ACTL6B: variants seen among roughly 807,000 people sequenced by gnomAD.
ACTL6B encodes actin-like protein 6B.
A neutral mutation model predicts 63.3 loss-of-function variants in ACTL6B; 48 were observed. That is an observed-to-expected ratio of 0.76 (90% CI 0.60 to 0.96). ACTL6B has a LOEUF of 0.96. Ranked by LOEUF, ACTL6B falls within the 50% of genes least tolerant of loss-of-function variation. The pLI, the probability that ACTL6B is intolerant of heterozygous loss-of-function variation, is 0.00. For missense variants in ACTL6B, 350 were observed against 572.2 expected (o/e 0.61, Z 3.96); for synonymous variants, 230 against 223.8 (o/e 1.03, Z -0.25).
chr7:100,648,551 C>T lies in ACTL6B; in HGVS notation c.669+5G>A. The T allele has an allele frequency of 1.3e-6, 2 of 1,592,578 alleles. No homozygotes were observed. Among genetic ancestry groups the T allele is most frequent in the Non-Finnish European group, 1.7e-6 (2 of 1,168,582 alleles). On this transcript the variant is annotated splice_donor_5th_base_variant and intron_variant, in intron 7 of 13. Transcript: ENST00000160382. This position sits in a 1 kb window ranked among gnomAD's most constrained non-coding sequence, Gnocchi z 4.4. ...GTGGCAGCTCCATGTCCCCAGAGGC[C>T]CCACCTTGGCTGCGATCATGTAAGG...
chr7:100,652,999 CAAAAAAAAAAAAAAAAAAAAAAAA>C (rs58707737), intron 4 of ACTL6B, among the ~76,000 whole-genome samples: 70 of 25,936 alleles, frequency 2.7e-3, no homozygotes, highest in East Asian at 0.013. Context: ...AACTCCGTCT[CAAAAAAAAAAAAAAAAAAAAAAAA>C]AAAAAAAAAA....
intron 4 of ACTL6B, among the ~76,000 whole-genome samples, chr7:100,650,435 ACACT>A (rs539854396): frequency 7.2e-4 from 110 of 152,060 alleles, no homozygotes; most frequent in Non-Finnish European, 8.2e-4. Flanking sequence ...ACATGCAAAC[ACACT>A]CACAAACACA....
rs1475580642 is a variant in ACTL6B at position 100,655,595 on chromosome 7, G to A, written c.103-9C>T. The A allele has an allele frequency of 6.2e-7, 1 of 1,609,552 alleles. No homozygotes were observed. Among genetic ancestry groups the A allele is most frequent in the Non-Finnish European group, 8.5e-7 (1 of 1,177,990 alleles). On this transcript the variant is annotated splice_polypyrimidine_tract_variant and intron_variant, in intron 2 of 13. Transcript: ENST00000160382. This position sits in a 1 kb window ranked among gnomAD's most constrained non-coding sequence, Gnocchi z 4.4. ...GTGGTGGGGAAGTCAGCCTGGTGGG[G>A]AAGGGTTGGGGGAGTATTGGCAGGG...
In ACTL6B at chr7:100,647,683, A is replaced by G. The variant is rs533519001; in HGVS notation, c.670-150T>C. On this transcript the variant is annotated intron_variant, in intron 7 of 13. Transcript: ENST00000160382. This position sits in a 1 kb window ranked among gnomAD's most constrained non-coding sequence, Gnocchi z 4.4. ...GGGGTTTCTCACCCTTCCCTGATGG[A>G]GAGGAGAGAGAATGGGGCATGCCTC... is the stretch of plus-strand genomic sequence containing the variant. The G allele has an allele frequency of 6.6e-6, 4 of 602,714 alleles. No homozygotes were observed. Among genetic ancestry groups the G allele is most frequent in the African/African-American group, 3.7e-5 (2 of 54,022 alleles). 37.3% of individuals were successfully genotyped at this position (602,714 alleles called of 1,614,324 possible). A position where few individuals can be genotyped will look rare whatever the true frequency, so the allele number is the denominator to read the frequency against.
chr7:100,653,531 T>C lies in ACTL6B; in HGVS notation c.369+1488A>G, dbSNP rs1457068632. 2.0e-5 allele frequency among the ~76,000 whole-genome samples: 3 copies of C among 152,136 alleles called. No homozygotes were observed. In the East Asian group the frequency reaches 5.8e-4, roughly 29 times the overall value. On this transcript the variant is annotated intron_variant, in intron 4 of 13. Coordinates refer to ENST00000160382, the MANE Select transcript of ACTL6B (RefSeq NM_016188.5). Reference sequence around the variant, plus strand: ...TGGGCATGGTGGCTTATGCCTGTAGTTCCAGCTACTCTGGAGACTGAAATG... The same window carrying C: ...TGGGCATGGTGGCTTATGCCTGTAGCTCCAGCTACTCTGGAGACTGAAATG...
rs534389361 is a variant in ACTL6B, at chr7:100,645,034, C to T, written c.1200+1215G>A. On this transcript the variant is annotated intron_variant, in intron 13 of 13. Coordinates refer to ENST00000160382, the MANE Select transcript of ACTL6B (RefSeq NM_016188.5). The stretch of plus-strand genomic sequence containing the variant: ...TTGCTCCACTGCACTCCAGCCTGGG[C>T]GACAGTGAGACTGTCTCGAAAACAA... Among the ~76,000 whole-genome samples, 127 of 152,074 alleles carry T rather than the reference C, an allele frequency of 8.4e-4. 1 individual carries two copies. The highest frequency in any genetic ancestry group is 2.9e-3 in the African/African-American group (121 of 41,426).
In ACTL6B at chr7:100,646,513, C is replaced by T. The variant is rs373606151; in HGVS notation, c.1113+38G>A. On this transcript the variant is annotated intron_variant, in intron 12 of 13. Coordinates refer to ENST00000160382, the MANE Select transcript of ACTL6B (RefSeq NM_016188.5). The surrounding 1 kb of genome is among the most constrained non-coding windows in gnomAD (Gnocchi z 6.1). ...TCAGTCCTGGACAGCTGAGCCAGGA[C>T]GGGTGTCCAGGGCTCTGGGTCAGGG... 2.5e-4 allele frequency: 401 copies of T among 1,603,634 alleles called. No homozygotes were observed. The highest frequency in any genetic ancestry group is 3.1e-4 in the Non-Finnish European group (363 of 1,170,924).
chr7:100,651,622 C>T (rs1263836237), intron 4 of ACTL6B, among the ~76,000 whole-genome samples: 2 of 151,464 alleles, frequency 1.3e-5, no homozygotes, highest in Non-Finnish European at 2.9e-5. Context: ...CTCACTCTGT[C>T]GCCCAGGCTG....
Position 100,646,380 on chromosome 7 carries a change from G to A in ACTL6B, c.1114-45C>T, listed in dbSNP as rs568989814. 1.9e-6 allele frequency: 3 copies of A among 1,601,744 alleles called. No homozygotes were observed. The highest frequency in any genetic ancestry group is 2.6e-6 in the Non-Finnish European group (3 of 1,172,474). Reference sequence around the variant, plus strand: ...GGGGGAAGCAGACACCTAGGTTCTGGGAAGGGACAGGGCTTGGGGGAGAGG... The same window carrying A: ...GGGGGAAGCAGACACCTAGGTTCTGAGAAGGGACAGGGCTTGGGGGAGAGG... On this transcript the variant is annotated intron_variant, in intron 12 of 13. Transcript: ENST00000160382. The surrounding 1 kb of genome is among the most constrained non-coding windows in gnomAD (Gnocchi z 6.1).
At position 100,655,936 on chromosome 7, in the gene ACTL6B, AGCTCC is replaced by A; in HGVS notation, c.26-62_26-58del. On this transcript the variant is annotated intron_variant, in intron 1 of 13. Coordinates refer to ENST00000160382, the MANE Select transcript of ACTL6B (RefSeq NM_016188.5). This position sits in a 1 kb window ranked among gnomAD's most constrained non-coding sequence, Gnocchi z 4.4. ...TCCCCCGAACTCTCTCCCGCTAGGT[AGCTCC>A]GAGAGAAAGTCAGGGCAGAGCCACA... 1 of 1,509,232 alleles carries A rather than the reference AGCTCC, an allele frequency of 6.6e-7. No individual in the cohort carries two copies. Among genetic ancestry groups the A allele is most frequent in the Non-Finnish European group, 9.0e-7 (1 of 1,117,036 alleles). The allele number at this position is 1,509,232 out of a possible 1,614,324, so 93.5% of individuals were successfully genotyped here.
chr7:100,651,227 A>G (rs1803933478), intron 4 of ACTL6B, among the ~76,000 whole-genome samples: 1 of 152,216 alleles, frequency 6.6e-6, no homozygotes, highest in Non-Finnish European at 1.5e-5. Context: ...AAGTCTCAAA[A>G]AATATACTTC....
chr7:100,647,637 T>C lies in ACTL6B; in HGVS notation c.670-104A>G. 3.6e-6 allele frequency: 3 copies of C among 827,832 alleles called. No individual in the cohort carries two copies. The highest frequency in any genetic ancestry group is 3.8e-6 in the Non-Finnish European group (2 of 519,554). 51.3% of individuals were successfully genotyped at this position (827,832 alleles called of 1,614,324 possible). A position where few individuals can be genotyped will look rare whatever the true frequency, so the allele number is the denominator to read the frequency against. On this transcript the variant is annotated intron_variant, in intron 7 of 13. Coordinates refer to ENST00000160382, the MANE Select transcript of ACTL6B (RefSeq NM_016188.5). The surrounding 1 kb of genome is among the most constrained non-coding windows in gnomAD (Gnocchi z 4.4). ...TCTGCAGCTACCTGGCGCTGCAGGC[T>C]CTGCTGTGCTGCCTGCAAGAGGGGT...
chr7:100,645,043 G>A (rs576639943), intron 13 of ACTL6B, among the ~76,000 whole-genome samples: 8 of 152,046 alleles, frequency 5.3e-5, no homozygotes, highest in African/African-American at 1.9e-4. Context: ...GCGACAGTGA[G>A]ACTGTCTCGA....
chr7:100,646,922 C>T lies in ACTL6B; in HGVS notation c.936+49G>A, dbSNP rs1251692152. The T allele has an allele frequency of 6.3e-7, 1 of 1,598,318 alleles. No homozygotes were observed. The highest frequency in any genetic ancestry group is 8.6e-7 in the Non-Finnish European group (1 of 1,167,036). On this transcript the variant is annotated intron_variant, in intron 10 of 13. Coordinates refer to ENST00000160382, the MANE Select transcript of ACTL6B (RefSeq NM_016188.5). The surrounding 1 kb of genome is among the most constrained non-coding windows in gnomAD (Gnocchi z 6.1). ...CCCAGCCTCCCCCACGCCCCAGGAT[C>T]CAGGGACTGCAGCCAGCACCCACCC...
chr7:100,646,500 A>C lies in ACTL6B; in HGVS notation c.1113+51T>G, dbSNP rs1337871097. ...AGGATGAAGGGACTCAGTCCTGGAC[A>C]GCTGAGCCAGGACGGGTGTCCAGGG... On this transcript the variant is annotated intron_variant, in intron 12 of 13. Coordinates refer to ENST00000160382, the MANE Select transcript of ACTL6B (RefSeq NM_016188.5). The surrounding 1 kb of genome is among the most constrained non-coding windows in gnomAD (Gnocchi z 6.1). 2 of 1,587,474 alleles carry C rather than the reference A, an allele frequency of 1.3e-6. No individual in the cohort carries two copies. Among genetic ancestry groups the C allele is most frequent in the Admixed American group, 3.3e-5 (2 of 59,964 alleles).
rs1405170199 is a variant in ACTL6B at position 100,655,656 on chromosome 7, A to C, written c.103-70T>G. 3.2e-6 allele frequency: 5 copies of C among 1,553,684 alleles called. No homozygotes were observed. Among genetic ancestry groups the C allele is most frequent in the East Asian group, 4.6e-5 (2 of 43,792 alleles). On this transcript the variant is annotated intron_variant, in intron 2 of 13. Coordinates refer to ENST00000160382, the MANE Select transcript of ACTL6B (RefSeq NM_016188.5). This position sits in a 1 kb window ranked among gnomAD's most constrained non-coding sequence, Gnocchi z 4.4. ...CCCTCTTGCCCCTGTCCAGCCCCAC[A>C]GCAGGGTCCTCAGACCGCCCCTGGG...
intron 4 of ACTL6B, among the ~76,000 whole-genome samples, chr7:100,654,252 G>C (rs1048321502): frequency 6.6e-6 from 1 of 151,660 alleles, no homozygotes; most frequent in Admixed American, 6.6e-5. Context: ...GATTACAGGC[G>C]TGAGCCACCA....
Position 100,656,431 on chromosome 7 carries a change from C to G in ACTL6B, c.-77G>C. ...AGGCGGCCGGACAGCTCCCGGGATC[C>G]CTGGCGGGGCGGGACTCTCAGCGGC... On this transcript the variant is annotated 5_prime_UTR_variant, in exon 1 of 14. Coordinates refer to ENST00000160382, the MANE Select transcript of ACTL6B (RefSeq NM_016188.5). 8.0e-7 allele frequency: 1 copy of G among 1,256,410 alleles called. No individual in the cohort carries two copies. Among genetic ancestry groups the G allele is most frequent in the East Asian group, 3.2e-5 (1 of 31,728 alleles). 77.8% of individuals were successfully genotyped at this position (1,256,410 alleles called of 1,614,324 possible). A position where few individuals can be genotyped will look rare whatever the true frequency, so the allele number is the denominator to read the frequency against.
In ACTL6B at chr7:100,655,692, T is replaced by C; in HGVS notation, c.103-106A>G. ...CAGACCGCCCCTGGGTTTATTCCCA[T>C]ATTCCCGCTCAGCAGAGCTTCTGGG... On this transcript the variant is annotated intron_variant, in intron 2 of 13. Coordinates refer to ENST00000160382, the MANE Select transcript of ACTL6B (RefSeq NM_016188.5). This position sits in a 1 kb window ranked among gnomAD's most constrained non-coding sequence, Gnocchi z 4.4. The C allele has an allele frequency of 6.6e-7, 1 of 1,511,324 alleles. No homozygotes were observed. The highest frequency in any genetic ancestry group is 2.4e-5 in the East Asian group (1 of 41,318). 93.6% of individuals were successfully genotyped at this position (1,511,324 alleles called of 1,614,324 possible).
Sources: gnomAD v4.1 joint callset for allele counts (sites outside exome capture counted in the v4.1 genomes callset) on GRCh38, gnomAD v4.1.1 for gene constraint, Gnocchi (gnomAD v3.1) non-coding constraint, MANE v1.5 for transcripts, NCBI Gene and HGNC (gene_info 2026-07-23, HGNC 2026-07-21) for gene names.